Variants in IL34 observed in about 807,000 individuals in gnomAD.
IL34 encodes the protein interleukin 34, also known as interleukin-34.
In IL34, 17 loss-of-function variants were observed where a neutral mutation model predicts 25.3. That is an observed-to-expected ratio of 0.67 (90% CI 0.46 to 1.01). The LOEUF (loss-of-function observed/expected upper bound fraction) is 1.01. Among genes scored for constraint, IL34 ranks in the 50% least tolerant of loss-of-function variants. The pLI is 0.00. For missense variants in IL34, 368 were observed against 312.9 expected (o/e 1.18, Z -1.33); for synonymous variants, 174 against 140.9 (o/e 1.23, Z -1.66).
intron 1 of IL34, among the ~76,000 whole-genome samples, chr16:70,647,308 G>T (rs1567462772): frequency 6.6e-6 from 1 of 152,160 alleles, no homozygotes; most frequent in Admixed American, 6.5e-5. Flanking sequence ...GGCAGCAGCG[G>T]CCCAGTCCTG....
At chr16:70,609,572 C>T (rs1310422137) in intron 1 of IL34, among the ~76,000 whole-genome samples, 1 of 152,164 alleles carries the variant, frequency 6.6e-6, no homozygotes, top group African/African-American at 2.4e-5. Flanking sequence ...AAGTGCATGG[C>T]ACAGCGCCTG....
intron 1 of IL34, among the ~76,000 whole-genome samples, chr16:70,599,292 T>TCTTTCTTCTTTCTTTC (rs2050873112): frequency 1.4e-5 from 1 of 72,532 alleles, no homozygotes; most frequent in African/African-American, 6.2e-5. Context: ...TTTCTTTCTT[T>TCTTTCTTCTTTCTTTC]CTTCTTTCTT....
upstream of IL34, among the ~76,000 whole-genome samples, chr16:70,644,166 G>A (rs1327062826): frequency 6.6e-6 from 1 of 152,108 alleles, no homozygotes; most frequent in Non-Finnish European, 1.5e-5. Flanking sequence ...GTAGAGACAG[G>A]GTTTCACCAT....
At chr16:70,606,595 AT>A (rs1032183008) in intron 1 of IL34, among the ~76,000 whole-genome samples, 10 of 149,244 alleles carry the variant, frequency 6.7e-5, no homozygotes, top group Admixed American at 2.0e-4. Flanking sequence ...GATTTTCTAG[AT>A]TTTTTTTTTG....
chr16:70,649,288 T>C (rs1215440893), intron 1 of IL34, among the ~76,000 whole-genome samples: 1 of 152,204 alleles, frequency 6.6e-6, no homozygotes, highest in African/African-American at 2.4e-5. Context: ...TGCAGTCATA[T>C]TTATACCCAC....
chr16:70,656,830 A>G, intron 3 of IL34, 130 bp from the exon 4 acceptor site: 1 of 1,135,190 alleles, frequency 8.8e-7, no homozygotes, highest in Non-Finnish European at 1.3e-6. Flanking sequence ...GCCCAGGCAC[A>G]TGTTTGTCCA....
At chr16:70,657,409 C>A (rs937632396) in intron 4 of IL34, 27 of 363,870 alleles carry the variant, frequency 7.4e-5, no homozygotes, top group African/African-American at 3.3e-4. Flanking sequence ...AGTCATCGTA[C>A]CCTCTTTGTT....
At chr16:70,629,809 A>G (rs2051478437) in intron 1 of IL34, among the ~76,000 whole-genome samples, 1 of 152,062 alleles carries the variant, frequency 6.6e-6, no homozygotes, top group African/African-American at 2.4e-5. Flanking sequence ...TAATCACATG[A>G]GTGTACATGG....
At chr16:70,606,264 G>C (rs1166548287) in intron 1 of IL34, among the ~76,000 whole-genome samples, 1 of 151,864 alleles carries the variant, frequency 6.6e-6, no homozygotes, top group Non-Finnish European at 1.5e-5. Flanking sequence ...CAGGCGTGGT[G>C]GTGGGTGCCT....
chr16:70,620,567 A>G (rs986046814), intron 1 of IL34, among the ~76,000 whole-genome samples: 9 of 152,234 alleles, frequency 5.9e-5, no homozygotes, highest in East Asian at 1.9e-4. Context: ...ACTCAGCGAC[A>G]CTTGGGGTTG....
chr16:70,647,725 G>A (rs1440597152), intron 1 of IL34, among the ~76,000 whole-genome samples: 1 of 152,216 alleles, frequency 6.6e-6, no homozygotes, highest in East Asian at 1.9e-4. Flanking sequence ...GAGTGCTCAG[G>A]AACTGTTGGA....
intron 1 of IL34, among the ~76,000 whole-genome samples, chr16:70,631,136 C>G (rs1355608672): frequency 1.3e-5 from 2 of 152,114 alleles, no homozygotes; most frequent in Non-Finnish European, 1.5e-5. Flanking sequence ...AAGAAGTTTC[C>G]TTATATTGAA....
intron 1 of IL34, among the ~76,000 whole-genome samples, chr16:70,604,833 C>A (rs915412800): frequency 6.6e-6 from 1 of 152,096 alleles, no homozygotes; most frequent in Non-Finnish European, 1.5e-5. Context: ...AGAAAGGTAG[C>A]CCCTTGGAGA....
At chr16:70,653,905 G>A (rs1482606529) in intron 1 of IL34, among the ~76,000 whole-genome samples, 1 of 152,070 alleles carries the variant, frequency 6.6e-6, no homozygotes, top group East Asian at 1.9e-4. Flanking sequence ...GACCCCCAGT[G>A]GCAAAGGATG....
intron 1 of IL34, among the ~76,000 whole-genome samples, chr16:70,598,097 C>A (rs75158366): frequency 6.6e-6 from 1 of 152,120 alleles, no homozygotes; most frequent in Non-Finnish European, 1.5e-5. Context: ...CTGCCCTCTT[C>A]AGCCTCCCAA....
chr16:70,612,888 C>T (rs977605738), intron 1 of IL34, among the ~76,000 whole-genome samples: 2 of 152,146 alleles, frequency 1.3e-5, no homozygotes, highest in Non-Finnish European at 2.9e-5. Flanking sequence ...CCGGTTAAAG[C>T]GATTCTCCTG....
intron 1 of IL34, among the ~76,000 whole-genome samples, chr16:70,640,375 G>A (rs1000553102): frequency 6.6e-6 from 1 of 152,122 alleles, no homozygotes; most frequent in Non-Finnish European, 1.5e-5. Context: ...TGTAATCACA[G>A]CACTTTGGGA....
chr16:70,659,144 A>C (rs1256456092), intron 4 of IL34, among the ~76,000 whole-genome samples: 1 of 152,112 alleles, frequency 6.6e-6, no homozygotes, highest in Non-Finnish European at 1.5e-5. Flanking sequence ...CTGTTGTTGC[A>C]TATCGTGGAG....
chr16:70,602,016 C>A (rs2050925550), intron 1 of IL34, among the ~76,000 whole-genome samples: 1 of 152,234 alleles, frequency 6.6e-6, no homozygotes, highest in Admixed American at 6.5e-5. Flanking sequence ...CCTCTCCAGG[C>A]CCAGCAGCTC....
Sources: allele counts gnomAD v4.1 joint callset (sites outside exome capture counted in the v4.1 genomes callset), GRCh38; gene constraint gnomAD v4.1.1; transcripts MANE v1.5; gene names NCBI Gene and HGNC (gene_info 2026-07-23, HGNC 2026-07-21).